The following ZC2HC1A variants were observed in gnomAD, a reference collection of about 807,000 sequenced individuals.
ZC2HC1A encodes the protein zinc finger C2HC-type containing 1A, also known as zinc finger C2HC domain-containing protein 1A.
In ZC2HC1A, 28 loss-of-function variants were observed where a neutral mutation model predicts 40.7. That is an observed-to-expected ratio of 0.69 (90% CI 0.51 to 0.94). The LOEUF is 0.94. Among genes scored for constraint, ZC2HC1A ranks in the 40% least tolerant of loss-of-function variants. The pLI, the probability that ZC2HC1A is intolerant of heterozygous loss-of-function variation, is 0.00. For missense variants in ZC2HC1A, 389 were observed against 386.3 expected, an observed-to-expected ratio of 1.01 and a Z score of -0.06; for synonymous variants, 129 against 129.2, an observed-to-expected ratio of 1.00 and a Z score of 0.01.
intron 1 of ZC2HC1A, 104 bp from the exon 2 acceptor site, chr8:78,675,683 C>A: frequency 1.8e-6 from 2 of 1,099,454 alleles, no homozygotes; most frequent in Non-Finnish European, 2.6e-6. Context: ...ACATTTTTCA[C>A]AAAAACTGAT....
intron 3 of ZC2HC1A, among the ~76,000 whole-genome samples, chr8:78,682,060 C>T (rs1381098830): frequency 6.6e-6 from 1 of 151,926 alleles, no homozygotes; most frequent in African/African-American, 2.4e-5. Flanking sequence ...AAAGTACCAT[C>T]TTTTGACTTT....
rs148270750 is a variant in ZC2HC1A, at chr8:78,689,356, A to C, written c.487A>C (p.Thr163Pro). The change falls in exon 5 of 9, where the codon ACT becomes CCT. Residue 163 changes from threonine to proline, a missense_variant. Thr to Pro is a conservative substitution (Grantham distance 38). Transcript: ENST00000263849. ...KFSTDTKGKP[T>P]SRTQVYKPPA... ...TTCTACAGATACCAAAGGAAAACCA[A>C]CTTCTCGGACACAGGTGGTAAGTTC... The C allele has an allele frequency of 1.2e-4, 191 of 1,592,676 alleles. No homozygotes were observed. In the African/African-American group the frequency reaches 2.3e-3, roughly 19 times the overall value.
chr8:78,677,477 A>G (rs1585980212), intron 2 of ZC2HC1A, among the ~76,000 whole-genome samples: 1 of 152,264 alleles, frequency 6.6e-6, no homozygotes, highest in East Asian at 1.9e-4. Context: ...GAAGGACACA[A>G]ATCAGACCAC....
At chr8:78,705,789 GT>G in intron 7 of ZC2HC1A, among the ~76,000 whole-genome samples, 1 of 152,206 alleles carries the variant, frequency 6.6e-6, no homozygotes, top group Non-Finnish European at 1.5e-5. Flanking sequence ...CTGGCTGGAG[GT>G]CCCAGTTGGG....
intron 3 of ZC2HC1A, among the ~76,000 whole-genome samples, chr8:78,684,370 G>T (rs2130474275): frequency 6.6e-6 from 1 of 152,278 alleles, no homozygotes; most frequent in South Asian, 2.1e-4. Context: ...TGTGTGCAGG[G>T]GAACTGCCCT....
chr8:78,717,671 T>TAA lies in ZC2HC1A; in HGVS notation c.*179_*180insAA. 1.1e-5 allele frequency: 5 copies of TAA among 475,244 alleles called. No homozygotes were observed. The highest frequency in any genetic ancestry group is 1.8e-5 in the Non-Finnish European group (5 of 283,086). The allele number at this position is 475,244 out of a possible 1,614,324, so 29.4% of individuals were successfully genotyped here. On this transcript the variant is annotated 3_prime_UTR_variant, in exon 9 of 9. Coordinates refer to ENST00000263849, the MANE Select transcript of ZC2HC1A (RefSeq NM_016010.3). ...GTGTGTATGTTTATATGTGTACATA[T>TAA]ACTGTATATAATAAATATCTGATAC...
chr8:78,690,428 C>T (rs1283338727), intron 5 of ZC2HC1A, among the ~76,000 whole-genome samples: 2 of 151,936 alleles, frequency 1.3e-5, no homozygotes, highest in Non-Finnish European at 2.9e-5. Context: ...GACGTGGTGG[C>T]GGGCGCCTGT....
At chr8:78,687,567 ATT>A (rs1360948812) in intron 4 of ZC2HC1A, among the ~76,000 whole-genome samples, 1 of 142,822 alleles carries the variant, frequency 7.0e-6, no homozygotes, top group African/African-American at 2.5e-5. Context: ...TACATAATAA[ATT>A]ATATATATTT....
chr8:78,688,746 A>G (rs1176654398), intron 4 of ZC2HC1A, among the ~76,000 whole-genome samples: 2 of 152,130 alleles, frequency 1.3e-5, no homozygotes, highest in African/African-American at 4.8e-5. Context: ...AGAAAATAGC[A>G]CTTTAAAGAT....
intron 1 of ZC2HC1A, among the ~76,000 whole-genome samples, chr8:78,675,138 T>C (rs1809540791): frequency 6.6e-6 from 1 of 151,706 alleles, no homozygotes; most frequent in African/African-American, 2.4e-5. Context: ...ATATTAATTT[T>C]ATTAATAATT....
chr8:78,674,214 C>T (rs967623728), intron 1 of ZC2HC1A, among the ~76,000 whole-genome samples: 2 of 151,986 alleles, frequency 1.3e-5, no homozygotes, highest in African/African-American at 4.8e-5. Context: ...TTTCTATGTG[C>T]TGAATCCATT....
At position 78,686,605 on chromosome 8, in the gene ZC2HC1A, C is replaced by T. The variant is rs145287590; in HGVS notation, c.349C>T (p.Pro117Ser). ...TCCTCCTCCTCCACCTTCTTATGAT[C>T]CTGGTATTTGGAATATTGTTGACAG... ...LPPPPPPSYD[P>S]DYIQCPYCQR... The change falls in exon 4 of 9, where the codon CCT (proline) becomes TCT (serine). Residue 117 changes from proline (P) to serine (S), a missense_variant. Physicochemically the swap from Pro to Ser is moderately conservative, Grantham distance 74. Transcript: ENST00000263849. The T allele has an allele frequency of 1.0e-5, 15 of 1,493,008 alleles. No homozygotes were observed. The highest frequency in any genetic ancestry group is 1.3e-5 in the Non-Finnish European group (15 of 1,123,366). The allele number at this position is 1,493,008 out of a possible 1,614,324, so 92.5% of individuals were successfully genotyped here.
At chr8:78,687,446 G>C (rs915876679) in intron 4 of ZC2HC1A, among the ~76,000 whole-genome samples, 4 of 144,894 alleles carry the variant, frequency 2.8e-5, no homozygotes, top group African/African-American at 1.0e-4. Context: ...ATAAGCCATA[G>C]ACTATATATA....
chr8:78,705,215 CA>C (rs1366839924), intron 7 of ZC2HC1A, among the ~76,000 whole-genome samples: 1 of 152,208 alleles, frequency 6.6e-6, no homozygotes, highest in African/African-American at 2.4e-5. Context: ...TTTAAGTTTT[CA>C]GCATACTTGT....
chr8:78,692,808 T>C (rs1011786110), intron 5 of ZC2HC1A, among the ~76,000 whole-genome samples: 7 of 152,134 alleles, frequency 4.6e-5, no homozygotes, highest in Admixed American at 3.9e-4. Flanking sequence ...CGTGTACATA[T>C]GCCATGTTGG....
At chr8:78,673,113 T>C (rs1213602371) in intron 1 of ZC2HC1A, among the ~76,000 whole-genome samples, 1 of 152,120 alleles carries the variant, frequency 6.6e-6, no homozygotes, top group African/African-American at 2.4e-5. Context: ...CCCCTCCCTG[T>C]GTCCATGTGT....
At chr8:78,714,389 G>A (rs1360489959) in intron 7 of ZC2HC1A, among the ~76,000 whole-genome samples, 1 of 152,086 alleles carries the variant, frequency 6.6e-6, no homozygotes, top group Non-Finnish European at 1.5e-5. Context: ...ACTTATAGTG[G>A]CAACAACAGT....
intron 7 of ZC2HC1A, among the ~76,000 whole-genome samples, chr8:78,712,392 T>G (rs1220625104): frequency 1.3e-5 from 2 of 152,184 alleles, no homozygotes; most frequent in Non-Finnish European, 2.9e-5. Flanking sequence ...TTATGAAGTT[T>G]TTTTTAGTAG....
chr8:78,711,967 T>C (rs1445252218), intron 7 of ZC2HC1A: 1 of 1,270,384 alleles, frequency 7.9e-7, no homozygotes, highest in African/African-American at 1.5e-5. Flanking sequence ...TCCTTATGGG[T>C]ACACCTTTAT....
Sources: gnomAD v4.1 joint callset for allele counts (sites outside exome capture counted in the v4.1 genomes callset) on GRCh38, gnomAD v4.1.1 for gene constraint, MANE v1.5 for transcripts, NCBI Gene and HGNC (gene_info 2026-07-23, HGNC 2026-07-21) for gene names.